CSNK1D: variants seen among roughly 807,000 people sequenced by gnomAD.
CSNK1D encodes the protein casein kinase 1 delta.
CSNK1D carries 16 observed loss-of-function variants against 46.6 expected under a neutral mutation model. That is an observed-to-expected ratio of 0.34 (90% CI 0.23 to 0.52). CSNK1D has a LOEUF of 0.52. Among genes scored for constraint, CSNK1D ranks in the 20% least tolerant of loss-of-function variants. The pLI is 0.95. For synonymous variants in CSNK1D, 276 were observed against 228.2 expected (o/e 1.21, Z -1.89); for missense variants, 398 against 578.4 (o/e 0.69, Z 3.20).
chr17:82,255,291 C>T lies in CSNK1D; in HGVS notation c.336+138G>A. 1 of 1,037,754 alleles carries T rather than the reference C, an allele frequency of 9.6e-7. No individual in the cohort carries two copies. Among genetic ancestry groups the T allele is most frequent in the Non-Finnish European group, 1.5e-6 (1 of 676,568 alleles). 64.3% of individuals were successfully genotyped at this position (1,037,754 alleles called of 1,614,324 possible). On this transcript the variant is annotated intron_variant, in intron 3 of 8. Coordinates refer to ENST00000314028, the MANE Select transcript of CSNK1D (RefSeq NM_001893.6). This position sits in a 1 kb window ranked among gnomAD's most constrained non-coding sequence, Gnocchi z 5.9. ...GAGAAGCCAGTGAGCTGAGCCACTG[C>T]AGCCTCAAGGCTGAGGCTCAGCAAA...
rs1188933347 is a variant in CSNK1D, at chr17:82,248,980, C to T, written c.1092G>A (p.Glu364=). 1 of 1,578,302 alleles carries T rather than the reference C, an allele frequency of 6.3e-7. No individual in the cohort carries two copies. Among genetic ancestry groups the T allele is most frequent in the South Asian group, 1.1e-5 (1 of 86,958 alleles). The change falls in exon 8 of 9, where the codon GAG becomes GAA. Residue 364 remains glutamate (E), a synonymous_variant. Coordinates refer to ENST00000314028, the MANE Select transcript of CSNK1D (RefSeq NM_001893.6). The surrounding 1 kb of genome is among the most constrained non-coding windows in gnomAD (Gnocchi z 4.1). ...NTSPRPVSGM[E]RERKVSMRLH... is the part of the protein sequence containing the mutation. ...GCCGCATACTCACTTTCCGCTCTCT[C>T]TCCATGCCGGAGACGGGCCGGGGGG...
At chr17:82,245,311 C>T (rs557539008) in intron 8 of CSNK1D, 205 of 280,144 alleles carry the variant, frequency 7.3e-4, no homozygotes, top group Non-Finnish European at 1.3e-3. Context: ...GCGTGGCCGC[C>T]GAGGAGGGAG....
Position 82,243,688 on chromosome 17 carries a change from G to A in CSNK1D, c.*1093C>T, listed in dbSNP as rs748274200. The A allele has an allele frequency of 4.2e-5, 41 of 985,470 alleles. No homozygotes were observed. Among genetic ancestry groups the A allele is most frequent in the Non-Finnish European group, 4.7e-5 (39 of 829,958 alleles). 61.0% of individuals were successfully genotyped at this position (985,470 alleles called of 1,614,324 possible). On this transcript the variant is annotated 3_prime_UTR_variant, in exon 9 of 9. Coordinates refer to ENST00000314028, the MANE Select transcript of CSNK1D (RefSeq NM_001893.6). ...TGCCGGCTTTTCTGAGCTAGTCTTGGCACGTGGCAAGGACAGCCCCGCTCC... is the reference window on the plus strand; with the variant it reads ...TGCCGGCTTTTCTGAGCTAGTCTTGACACGTGGCAAGGACAGCCCCGCTCC...
intron 3 of CSNK1D, chr17:82,254,454 G>GC (rs1268741183): frequency 3.8e-6 from 1 of 265,544 alleles, no homozygotes; most frequent in African/African-American, 2.8e-5. Flanking sequence ...CAGCTGAGCC[G>GC]CCGGAGCCTG....
At chr17:82,265,632 T>G in intron 2 of CSNK1D, 54 bp downstream of exon 2, 1 of 1,384,158 alleles carries the variant, frequency 7.2e-7, no homozygotes, top group South Asian at 1.2e-5. Flanking sequence ...TGAGTTGCTG[T>G]TCTCCCTTGT....
At chr17:82,270,545 A>C (rs1300669555) in intron 1 of CSNK1D, among the ~76,000 whole-genome samples, 1 of 152,354 alleles carries the variant, frequency 6.6e-6, no homozygotes, top group East Asian at 1.9e-4. Flanking sequence ...TTTATGTGTA[A>C]CTGGCTGCCC....
In CSNK1D at chr17:82,249,064, C is replaced by T. The variant is rs1302974325; in HGVS notation, c.1058-50G>A. ...TGGGCCGCCCCCGTCTGCTGCCTCTCACTCGGGGCTTTCTATGAGAGGCTG... is the reference window on the plus strand; with the variant it reads ...TGGGCCGCCCCCGTCTGCTGCCTCTTACTCGGGGCTTTCTATGAGAGGCTG... On this transcript the variant is annotated intron_variant, in intron 7 of 8. Coordinates refer to ENST00000314028, the MANE Select transcript of CSNK1D (RefSeq NM_001893.6). The surrounding 1 kb of genome is among the most constrained non-coding windows in gnomAD (Gnocchi z 6.7). 1.3e-6 allele frequency: 2 copies of T among 1,540,494 alleles called. No individual in the cohort carries two copies. The highest frequency in any genetic ancestry group is 3.9e-5 in the Admixed American group (2 of 50,862).
rs1164412265 is a variant in CSNK1D at position 82,244,741 on chromosome 17, G to A, written c.*40C>T. 21 of 1,613,676 alleles carry A rather than the reference G, an allele frequency of 1.3e-5. No homozygotes were observed. Among genetic ancestry groups the A allele is most frequent in the Non-Finnish European group, 1.8e-5 (21 of 1,180,010 alleles). The stretch of plus-strand genomic sequence containing the variant: ...AAGCCATTGGTAACAGAGTAGATCA[G>A]CCATGCATTGTCTGCCCTTCACAGC... On this transcript the variant is annotated 3_prime_UTR_variant, in exon 9 of 9. Transcript: ENST00000314028.
rs1208289077 is a variant in CSNK1D, at chr17:82,251,534, A to G, written c.737-7T>C. 9.3e-6 allele frequency: 15 copies of G among 1,613,776 alleles called. No individual in the cohort carries two copies. Among genetic ancestry groups the G allele is most frequent in the Non-Finnish European group, 1.3e-5 (15 of 1,179,944 alleles). ...AGGTATGTGGCAAATTCGGCTACAA[A>G]ACAAGAAACTCAAAGCTAACTCATG... On this transcript the variant is annotated splice_polypyrimidine_tract_variant and splice_region_variant and intron_variant, in intron 5 of 8. Transcript: ENST00000314028. The surrounding 1 kb of genome is among the most constrained non-coding windows in gnomAD (Gnocchi z 4.5).
downstream of CSNK1D, among the ~76,000 whole-genome samples, chr17:82,242,121 C>G (rs879516768): frequency 2.0e-5 from 3 of 151,290 alleles, no homozygotes; most frequent in Non-Finnish European, 4.4e-5. Flanking sequence ...CACCCACACA[C>G]GAGCACAGGT....
chr17:82,243,000 G>A lies in CSNK1D; in HGVS notation c.*1781C>T, dbSNP rs1007326220. The A allele has an allele frequency of 6.1e-6, 6 of 985,440 alleles. No homozygotes were observed. Among genetic ancestry groups the A allele is most frequent in the Non-Finnish European group, 7.2e-6 (6 of 829,948 alleles). 61.0% of individuals were successfully genotyped at this position (985,440 alleles called of 1,614,324 possible). On this transcript the variant is annotated 3_prime_UTR_variant, in exon 9 of 9. Coordinates refer to ENST00000314028, the MANE Select transcript of CSNK1D (RefSeq NM_001893.6). Reference sequence around the variant, plus strand: ...CGCGACGTCTCTCCGGGTGGGGGACGTCTACCTTCAAGAAGGGGTCCAGCA... The same window carrying A: ...CGCGACGTCTCTCCGGGTGGGGGACATCTACCTTCAAGAAGGGGTCCAGCA...
At chr17:82,263,634 C>T (rs904893074) in intron 2 of CSNK1D, among the ~76,000 whole-genome samples, 21 of 152,264 alleles carry the variant, frequency 1.4e-4, no homozygotes, top group East Asian at 5.8e-4. Flanking sequence ...GTGACCATCC[C>T]GGGCTTCTAA....
At chr17:82,264,492 G>C (rs1293334512) in intron 2 of CSNK1D, among the ~76,000 whole-genome samples, 1 of 152,202 alleles carries the variant, frequency 6.6e-6, no homozygotes, top group East Asian at 1.9e-4. Context: ...GCCCACCGTG[G>C]AACACCAGGT....
chr17:82,259,973 C>G (rs1001559241), intron 2 of CSNK1D, among the ~76,000 whole-genome samples: 298 of 142,854 alleles, frequency 2.1e-3, no homozygotes, highest in African/African-American at 7.2e-3. Flanking sequence ...GGTGTACTGA[C>G]TGATGTGACT....
rs1197474833 is a variant in CSNK1D at position 82,249,545 on chromosome 17, G to A, written c.943C>T (p.Leu315=). 4 of 1,547,762 alleles carry A rather than the reference G, an allele frequency of 2.6e-6. No homozygotes were observed. The highest frequency in any genetic ancestry group is 3.5e-6 in the Non-Finnish European group (4 of 1,148,752). Residue 315 remains leucine (L), a synonymous_variant, in exon 7 of 9, where the codon CTG becomes TTG. Coordinates refer to ENST00000314028, the MANE Select transcript of CSNK1D (RefSeq NM_001893.6). This position sits in a 1 kb window ranked among gnomAD's most constrained non-coding sequence, Gnocchi z 6.7. ...ERERRDREER[L]RHSRNPATRG... Reference sequence around the variant, plus strand: ...GTAGCCGGGTTCCGCGAGTGTCTCAGCCGCTCCTCTCGGTCCCTGCGCTCC... The same window carrying A: ...GTAGCCGGGTTCCGCGAGTGTCTCAACCGCTCCTCTCGGTCCCTGCGCTCC...
chr17:82,259,028 A>G (rs574415017), intron 2 of CSNK1D, among the ~76,000 whole-genome samples: 1 of 152,360 alleles, frequency 6.6e-6, no homozygotes, highest in Non-Finnish European at 1.5e-5. Context: ...AAGTGGCTGG[A>G]TGTCGATGGG....
Position 82,244,727 on chromosome 17 carries a change from AAC to A in CSNK1D, c.*52_*53del. ...ACGTGTCACTAGTAAAGCCATTGGTAACAGAGTAGATCAGCCATGCATTGTCT... is the reference window on the plus strand; with the variant it reads ...ACGTGTCACTAGTAAAGCCATTGGTAAGAGTAGATCAGCCATGCATTGTCT... On this transcript the variant is annotated 3_prime_UTR_variant, in exon 9 of 9. Coordinates refer to ENST00000314028, the MANE Select transcript of CSNK1D (RefSeq NM_001893.6). 6.2e-7 allele frequency: 1 copy of A among 1,613,252 alleles called. No homozygotes were observed. Among genetic ancestry groups the A allele is most frequent in the Non-Finnish European group, 8.5e-7 (1 of 1,179,982 alleles).
rs1140432 is a variant in CSNK1D at position 82,249,489 on chromosome 17, G to C, written c.999C>G (p.Arg333=). The C allele has an allele frequency of 6.5e-6, 10 of 1,542,880 alleles. No individual in the cohort carries two copies. In the African/African-American group the frequency reaches 1.4e-4, roughly 21 times the overall value. ...TRGLPSTASG[R]LRGTQEVAPP... ...GAGCCACTTCCTGCGTCCCCCGCAG[G>C]CGGCCGGAGGCTGTGGAAGGGAGGC... is the stretch of plus-strand genomic sequence containing the variant. The change falls in exon 7 of 9, where the codon CGC becomes CGG. Residue 333 remains arginine (R), a synonymous_variant. Coordinates refer to ENST00000314028, the MANE Select transcript of CSNK1D (RefSeq NM_001893.6). This position sits in a 1 kb window ranked among gnomAD's most constrained non-coding sequence, Gnocchi z 6.7.
chr17:82,267,403 C>T (rs2051504879), intron 1 of CSNK1D, among the ~76,000 whole-genome samples: 1 of 152,180 alleles, frequency 6.6e-6, no homozygotes, highest in Admixed American at 6.5e-5. Flanking sequence ...GTCCACTGAA[C>T]ACCCAGGAAG....
Sources: allele counts gnomAD v4.1 joint callset (sites outside exome capture counted in the v4.1 genomes callset), GRCh38; gene constraint gnomAD v4.1.1; non-coding constraint Gnocchi (gnomAD v3.1); transcripts MANE v1.5; gene names NCBI Gene and HGNC (gene_info 2026-07-23, HGNC 2026-07-21).